The following PIAS2 variants were observed in gnomAD, a reference collection of about 807,000 sequenced individuals.
PIAS2 encodes E3 SUMO-protein ligase PIAS2.
A neutral mutation model predicts 69.7 loss-of-function variants in PIAS2; 19 were observed. That is an observed-to-expected ratio of 0.27 (90% confidence interval 0.19 to 0.40). The LOEUF is 0.40. Ranked by LOEUF, PIAS2 falls within the 10% of genes least tolerant of loss-of-function variation. The pLI is 1.00. For missense variants in PIAS2, 624 were observed against 757.0 expected (o/e 0.82, Z 2.06); for synonymous variants, 261 against 263.2 (o/e 0.99, Z 0.08).
Position 46,910,269 on chromosome 18 carries a change from G to A in PIAS2, c.24+7053C>T, listed in dbSNP as rs572301507. ...CAGTACAATGGCTACTGTCATTGGT[G>A]AAGGTGGACATGGTTGCAGTGGATG... On this transcript the variant is annotated intron_variant, in intron 1 of 13. Coordinates refer to ENST00000585916, the MANE Select transcript of PIAS2 (RefSeq NM_004671.5). 2.6e-5 allele frequency among the ~76,000 whole-genome samples: 4 copies of A among 152,306 alleles called. No homozygotes were observed. In the East Asian group the frequency reaches 7.7e-4, roughly 29 times the overall value.
chr18:46,872,902 A>G (rs2050584964), intron 2 of PIAS2, among the ~76,000 whole-genome samples: 1 of 152,124 alleles, frequency 6.6e-6, no homozygotes, highest in African/African-American at 2.4e-5. Flanking sequence ...TAAAACACCT[A>G]CTCATCACTG....
chr18:46,898,519 A>C lies in PIAS2; in HGVS notation c.25-7465T>G, dbSNP rs193043235. Among the ~76,000 whole-genome samples the C allele has an allele frequency of 7.4e-4, 113 of 152,342 alleles. 1 individual carries two copies. Among genetic ancestry groups the C allele is most frequent in the African/African-American group, 2.3e-3 (94 of 41,580 alleles). On this transcript the variant is annotated intron_variant, in intron 1 of 13. Transcript: ENST00000585916. The stretch of plus-strand genomic sequence containing the variant: ...ACTCTCTCTATTAGAAATATAAGAC[A>C]ATCCACTGAAAAATTTAAACCAATA...
At chr18:46,816,912 ATT>A in intron 12 of PIAS2, 1 of 940,488 alleles carries the variant, frequency 1.1e-6, no homozygotes, top group South Asian at 4.9e-5. Context: ...CAATAAGCAG[ATT>A]TTGTCTTCAT....
chr18:46,886,177 C>T (rs1598826655), intron 2 of PIAS2, among the ~76,000 whole-genome samples: 1 of 152,282 alleles, frequency 6.6e-6, no homozygotes, highest in Non-Finnish European at 1.5e-5. Flanking sequence ...CCCTACAGAC[C>T]CTCTTATCCT....
Position 46,900,135 on chromosome 18 carries a change from C to T in PIAS2, c.25-9081G>A, listed in dbSNP as rs143465287. On this transcript the variant is annotated intron_variant, in intron 1 of 13. Coordinates refer to ENST00000585916, the MANE Select transcript of PIAS2 (RefSeq NM_004671.5). Reference sequence around the variant, plus strand: ...ATCCCAGCACTTTGGGAGGCCGAGGCGGGCAAATCACTTGAGGTTAGGAGT... The same window carrying T: ...ATCCCAGCACTTTGGGAGGCCGAGGTGGGCAAATCACTTGAGGTTAGGAGT... Among the ~76,000 whole-genome samples the T allele has an allele frequency of 7.2e-3, 1,100 of 152,170 alleles. 8 individuals carry two copies. Among genetic ancestry groups the T allele is most frequent in the East Asian group, 0.025 (128 of 5,168 alleles).
chr18:46,894,822 G>A (rs900163012), intron 1 of PIAS2, among the ~76,000 whole-genome samples: 8 of 152,074 alleles, frequency 5.3e-5, no homozygotes, highest in Admixed American at 4.6e-4. Flanking sequence ...TGTAATCCCA[G>A]CACTTTGGGA....
intron 12 of PIAS2, chr18:46,818,346 A>G (rs2041788733): frequency 1.3e-6 from 2 of 1,509,412 alleles, no homozygotes; most frequent in East Asian, 5.0e-5. Flanking sequence ...TTTCCACTCC[A>G]TAAATACAAA....
At chr18:46,855,073 C>G (rs1171318420) in intron 5 of PIAS2, among the ~76,000 whole-genome samples, 4 of 130,010 alleles carry the variant, frequency 3.1e-5, no homozygotes, top group African/African-American at 1.2e-4. Flanking sequence ...TCAAATCAAG[C>G]CTGGGGAACA....
intron 1 of PIAS2, among the ~76,000 whole-genome samples, chr18:46,897,128 C>T (rs1568819485): frequency 2.0e-5 from 3 of 152,120 alleles, no homozygotes; most frequent in Admixed American, 1.3e-4. Context: ...CATGTGGGGA[C>T]TCTACCACCT....
intron 1 of PIAS2, chr18:46,915,366 G>C (rs1387334343): frequency 1.3e-5 from 2 of 152,200 alleles, no homozygotes; most frequent in Non-Finnish European, 2.9e-5. Flanking sequence ...TCATCTTCAA[G>C]TGTAGGGTAA....
chr18:46,865,740 T>C (rs2049345683), intron 2 of PIAS2, among the ~76,000 whole-genome samples: 1 of 152,144 alleles, frequency 6.6e-6, no homozygotes. Flanking sequence ...TGTCACAAAA[T>C]GGTTCATATT....
chr18:46,904,890 A>G (rs1321759872), intron 1 of PIAS2, among the ~76,000 whole-genome samples: 1 of 152,134 alleles, frequency 6.6e-6, no homozygotes, highest in Non-Finnish European at 1.5e-5. Flanking sequence ...TTCATGTGCT[A>G]GTAATAATGT....
chr18:46,897,410 G>A (rs1293387282), intron 1 of PIAS2, among the ~76,000 whole-genome samples: 1 of 152,120 alleles, frequency 6.6e-6, no homozygotes, highest in Non-Finnish European at 1.5e-5. Context: ...TCCAGAATGG[G>A]CTCCTAGTAG....
intron 6 of PIAS2, among the ~76,000 whole-genome samples, chr18:46,845,545 C>A (rs1248552341): frequency 6.6e-6 from 1 of 151,910 alleles, no homozygotes; most frequent in Non-Finnish European, 1.5e-5. Context: ...GCGTCCAATC[C>A]CATACCTGTT....
At chr18:46,894,417 C>A (rs1191265926) in intron 1 of PIAS2, among the ~76,000 whole-genome samples, 1 of 152,114 alleles carries the variant, frequency 6.6e-6, no homozygotes, top group Non-Finnish European at 1.5e-5. Flanking sequence ...TTGTTTTTCT[C>A]CACCAACCTC....
upstream of PIAS2, among the ~76,000 whole-genome samples, chr18:46,919,597 T>C (rs967938796): frequency 1.5e-4 from 22 of 151,558 alleles, no homozygotes; most frequent in Non-Finnish European, 1.2e-4. Context: ...TGCAGTGAGC[T>C]GCGATCGCAC....
At chr18:46,846,925 C>A in intron 5 of PIAS2, 84 bp from the exon 6 acceptor site, 1 of 1,178,260 alleles carries the variant, frequency 8.5e-7, no homozygotes, top group Non-Finnish European at 1.1e-6. Flanking sequence ...AGGATCCTGC[C>A]CAATTTCAGT....
chr18:46,849,376 T>A (rs1053357086), intron 5 of PIAS2, among the ~76,000 whole-genome samples: 1 of 152,220 alleles, frequency 6.6e-6, no homozygotes, highest in Admixed American at 6.5e-5. Context: ...TTATTGATAA[T>A]ATATTAATAG....
intron 11 of PIAS2, among the ~76,000 whole-genome samples, chr18:46,823,505 A>G (rs557430993): frequency 6.6e-6 from 1 of 152,260 alleles, no homozygotes; most frequent in South Asian, 2.1e-4. Flanking sequence ...GAATGTACCT[A>G]CACACCTGTC....
Sources: allele counts gnomAD v4.1 joint callset (sites outside exome capture counted in the v4.1 genomes callset), GRCh38; gene constraint gnomAD v4.1.1; transcripts MANE v1.5; gene names NCBI Gene and HGNC (gene_info 2026-07-23, HGNC 2026-07-21).